Variants in EPB41L4A observed in about 807,000 individuals in gnomAD.
EPB41L4A encodes erythrocyte membrane protein band 4.1 like 4A, also known as band 4.1-like protein 4A.
EPB41L4A carries 100 observed loss-of-function variants against 108.6 expected under a neutral mutation model. The ratio of observed to expected loss-of-function variants is 0.92; its 90% CI spans 0.78 to 1.09. The LOEUF is 1.09. Among genes scored for constraint, EPB41L4A ranks in the 50% least tolerant of loss-of-function variants. The probability of loss-of-function intolerance (pLI) is 0.00; values close to 1 mark genes in which losing one functional copy is unlikely to be tolerated. For missense variants in EPB41L4A, 1,030 were observed against 842.7 expected (o/e 1.22, Z -2.75); for synonymous variants, 319 against 289.0 (o/e 1.10, Z -1.05).
chr5:112,185,944 G>A (rs1761404877), intron 17 of EPB41L4A, among the ~76,000 whole-genome samples: 1 of 152,098 alleles, frequency 6.6e-6, no homozygotes, highest in African/African-American at 2.4e-5. Context: ...GCTGGTAGGG[G>A]AGCAGTCCTG....
chr5:112,169,969 T>C (rs1322341116), intron 20 of EPB41L4A: 1 of 279,312 alleles, frequency 3.6e-6, no homozygotes, highest in African/African-American at 2.3e-5. Flanking sequence ...AGTTTTATGG[T>C]CAACATAATT....
intron 1 of EPB41L4A, among the ~76,000 whole-genome samples, chr5:112,391,728 G>C (rs974966634): frequency 3.3e-5 from 5 of 152,044 alleles, no homozygotes; most frequent in African/African-American, 1.2e-4. Flanking sequence ...GAAATACAGA[G>C]AACACCATAG....
intron 1 of EPB41L4A, among the ~76,000 whole-genome samples, chr5:112,336,274 C>T (rs1330217395): frequency 6.6e-6 from 1 of 152,112 alleles, no homozygotes; most frequent in Non-Finnish European, 1.5e-5. Context: ...ATTGAACCTG[C>T]ATCGACTTGT....
chr5:112,189,082 C>G (rs1208497968), intron 17 of EPB41L4A, among the ~76,000 whole-genome samples: 1 of 152,106 alleles, frequency 6.6e-6, no homozygotes, highest in Non-Finnish European at 1.5e-5. Context: ...TCTGGTAGAC[C>G]CTAAAAGACA....
intron 1 of EPB41L4A, among the ~76,000 whole-genome samples, chr5:112,313,638 C>T (rs1263140399): frequency 5.9e-5 from 9 of 151,978 alleles, no homozygotes; most frequent in Admixed American, 2.0e-4. Flanking sequence ...ACCAGGCACA[C>T]ATATAACTTG....
intron 1 of EPB41L4A, among the ~76,000 whole-genome samples, chr5:112,360,006 T>A (rs1758616664): frequency 6.6e-6 from 1 of 152,196 alleles, no homozygotes; most frequent in South Asian, 2.1e-4. Context: ...TTTTAAAAAA[T>A]ATTTTATCCA....
chr5:112,208,820 C>T (rs916023315), intron 13 of EPB41L4A, among the ~76,000 whole-genome samples: 11 of 152,308 alleles, frequency 7.2e-5, no homozygotes, highest in African/African-American at 2.6e-4. Flanking sequence ...GATTCCTGTT[C>T]TTATGCTGAA....
chr5:112,256,092 A>ACTATCATCTC (rs1168786003), intron 9 of EPB41L4A, among the ~76,000 whole-genome samples: 1 of 152,220 alleles, frequency 6.6e-6, no homozygotes, highest in Non-Finnish European at 1.5e-5. Context: ...AGATAGAGAC[A>ACTATCATCTC]CTATCATCTC....
intron 2 of EPB41L4A, among the ~76,000 whole-genome samples, chr5:112,286,929 T>C (rs1450651427): frequency 6.6e-6 from 1 of 152,158 alleles, no homozygotes; most frequent in East Asian, 1.9e-4. Flanking sequence ...TAGTATTTAC[T>C]GCAATTACCT....
At chr5:112,314,970 G>A (rs976257251) in intron 1 of EPB41L4A, among the ~76,000 whole-genome samples, 6 of 152,054 alleles carry the variant, frequency 3.9e-5, no homozygotes, top group African/African-American at 7.2e-5. Flanking sequence ...TTTTGTCTTC[G>A]ATAATAATGG....
chr5:112,342,132 T>C (rs1428159552), intron 1 of EPB41L4A, among the ~76,000 whole-genome samples: 3 of 152,158 alleles, frequency 2.0e-5, no homozygotes, highest in African/African-American at 7.2e-5. Flanking sequence ...TTCCCTTTTA[T>C]AAAAAAGAAG....
chr5:112,179,406 A>T (rs1309291265), intron 18 of EPB41L4A, among the ~76,000 whole-genome samples: 1 of 152,170 alleles, frequency 6.6e-6, no homozygotes, highest in Non-Finnish European at 1.5e-5. Flanking sequence ...TCAATTTTTC[A>T]CAAAAACAAA....
At chr5:112,233,535 C>A (rs1749107945) in intron 12 of EPB41L4A, among the ~76,000 whole-genome samples, 1 of 152,114 alleles carries the variant, frequency 6.6e-6, no homozygotes, top group Admixed American at 6.5e-5. Context: ...GGATTCTGTA[C>A]AAATGAAGCT....
chr5:112,325,314 G>A (rs1219430328), intron 1 of EPB41L4A, among the ~76,000 whole-genome samples: 2 of 152,084 alleles, frequency 1.3e-5, no homozygotes, highest in Admixed American at 6.5e-5. Context: ...AGTGGCACAC[G>A]CCTGTAGTCC....
intron 1 of EPB41L4A, among the ~76,000 whole-genome samples, chr5:112,415,652 G>C (rs570388870): frequency 1.3e-5 from 2 of 152,218 alleles, no homozygotes; most frequent in African/African-American, 4.8e-5. Context: ...TCAGCACAGA[G>C]AACTAGAAAG....
Position 112,304,117 on chromosome 5 carries a change from A to G in EPB41L4A, c.204+3269T>C, listed in dbSNP as rs180726046. 1.1e-3 allele frequency among the ~76,000 whole-genome samples: 169 copies of G among 152,222 alleles called. 1 individual carries two copies. The highest frequency in any genetic ancestry group is 1.6e-3 in the Non-Finnish European group (106 of 67,992). ...GCTTTTATTGTCTTAGCAAGGGAAA[A>G]ACAGAGTTCACTGGCAGAAGACAGT... On this transcript the variant is annotated intron_variant, in intron 2 of 22. Coordinates refer to ENST00000261486, the MANE Select transcript of EPB41L4A (RefSeq NM_022140.5).
At chr5:112,177,965 G>T (rs935688046) in intron 18 of EPB41L4A, among the ~76,000 whole-genome samples, 1 of 151,408 alleles carries the variant, frequency 6.6e-6, no homozygotes, top group Non-Finnish European at 1.5e-5. Context: ...GATTTATATC[G>T]CAAAATACAA....
intron 1 of EPB41L4A, among the ~76,000 whole-genome samples, chr5:112,418,669 G>T (rs1762865637): frequency 6.6e-6 from 1 of 152,120 alleles, no homozygotes; most frequent in African/African-American, 2.4e-5. Context: ...GGAGAAAACC[G>T]GTTTGGGGAA....
At chr5:112,399,179 T>C (rs1374566733) in intron 1 of EPB41L4A, among the ~76,000 whole-genome samples, 1 of 152,002 alleles carries the variant, frequency 6.6e-6, no homozygotes, top group Non-Finnish European at 1.5e-5. Context: ...TTCTCCTCCT[T>C]ATACCCCAGC....
Sources: allele counts gnomAD v4.1 joint callset (sites outside exome capture counted in the v4.1 genomes callset), GRCh38; gene constraint gnomAD v4.1.1; transcripts MANE v1.5; gene names NCBI Gene and HGNC (gene_info 2026-07-23, HGNC 2026-07-21).